Variants in SOX13 observed in about 807,000 individuals in gnomAD.
SOX13 encodes the protein SRY-box transcription factor 13.
SOX13 carries 28 observed loss-of-function variants against 71.8 expected under a neutral mutation model. That is an observed-to-expected ratio of 0.39 (90% CI 0.29 to 0.53). SOX13 has a LOEUF of 0.53. Among genes scored for constraint, SOX13 ranks in the 20% least tolerant of loss-of-function variants. The probability of loss-of-function intolerance (pLI) is 0.70; values close to 1 mark genes in which losing one functional copy is unlikely to be tolerated. For missense variants in SOX13, 627 were observed against 810.3 expected (o/e 0.77, Z 2.75); for synonymous variants, 309 against 317.8 (o/e 0.97, Z 0.29).
chr1:204,090,850 C>T (rs564290707), intron 1 of SOX13, among the ~76,000 whole-genome samples: 2 of 152,190 alleles, frequency 1.3e-5, no homozygotes, highest in South Asian at 4.1e-4. Flanking sequence ...GGCACCTTTG[C>T]ACCAGGTGCT....
At chr1:204,105,175 G>A (rs941486248) in intron 1 of SOX13, among the ~76,000 whole-genome samples, 10 of 152,144 alleles carry the variant, frequency 6.6e-5, no homozygotes, top group African/African-American at 2.2e-4. Flanking sequence ...TGGGGGCCTC[G>A]GGGCCTGGTA....
chr1:204,076,023 C>T (rs1032515742), intron 1 of SOX13, among the ~76,000 whole-genome samples: 1 of 152,192 alleles, frequency 6.6e-6, no homozygotes, highest in Non-Finnish European at 1.5e-5. Flanking sequence ...TCAGATCAAA[C>T]GTATCCTTCT....
chr1:204,122,349 A>G lies in SOX13; in HGVS notation c.974A>G (p.His325Arg). The part of the protein sequence containing the change: ...MSSCVPRPPS[H>R]GGPTRDLQSS... The stretch of plus-strand genomic sequence containing the variant: ...AGCTGTGTGCCCCGCCCCCCCAGCC[A>G]TGGAGGCCCCACGCGGGACCTGCAG... The change falls in exon 9 of 14, where the codon CAT becomes CGT. Residue 325 changes from histidine (H) to arginine (R), a missense_variant. By Grantham distance (29) the His-to-Arg change is conservative. This residue lies in a region of SOX13 where 447 missense variants were observed against 532.2 expected (regional missense o/e 0.84). Transcript: ENST00000367204. The G allele has an allele frequency of 6.4e-7, 1 of 1,559,114 alleles. No homozygotes were observed. Among genetic ancestry groups the G allele is most frequent in the Non-Finnish European group, 8.7e-7 (1 of 1,149,666 alleles).
chr1:204,102,488 T>G (rs1027909719), intron 1 of SOX13, among the ~76,000 whole-genome samples: 18 of 152,232 alleles, frequency 1.2e-4, no homozygotes, highest in African/African-American at 3.6e-4. Context: ...TGGGGCTTCC[T>G]TGGCAGATTT....
At chr1:204,108,849 C>G (rs1348100280) in intron 1 of SOX13, among the ~76,000 whole-genome samples, 1 of 152,238 alleles carries the variant, frequency 6.6e-6, no homozygotes, top group Non-Finnish European at 1.5e-5. Context: ...TTCCAGCCAG[C>G]CTGGTTGTTT....
At chr1:204,101,485 G>A (rs975241752) in intron 1 of SOX13, among the ~76,000 whole-genome samples, 1 of 135,552 alleles carries the variant, frequency 7.4e-6, no homozygotes, top group Admixed American at 8.2e-5. Context: ...GGGCAACATA[G>A]CGAGATTCCC....
chr1:204,089,806 G>A lies in SOX13; in HGVS notation c.-2+16095G>A, dbSNP rs566501713. Among the ~76,000 whole-genome samples the A allele has an allele frequency of 3.3e-5, 5 of 152,324 alleles. 1 individual carries two copies. Among genetic ancestry groups the A allele is most frequent in the Admixed American group, 6.5e-5 (1 of 15,300 alleles). On this transcript the variant is annotated intron_variant, in intron 1 of 13. Coordinates refer to ENST00000367204, the MANE Select transcript of SOX13 (RefSeq NM_005686.3). ...GGGCTCATCACTGGTCCCCATTCCTGGAGGTGCGTCCCTTATCTCTATCCA... is the reference window on the plus strand; with the variant it reads ...GGGCTCATCACTGGTCCCCATTCCTAGAGGTGCGTCCCTTATCTCTATCCA...
intron 9 of SOX13, 138 bp from the exon 10 acceptor site, chr1:204,122,716 G>A: frequency 1.6e-6 from 1 of 631,678 alleles, no homozygotes; most frequent in South Asian, 2.0e-5. Context: ...GCCGCCCTGT[G>A]GAAGAACAGG....
At position 204,124,873 on chromosome 1, in the gene SOX13, C is replaced by T. The variant is rs577240959; in HGVS notation, c.1592+16C>T. ...ACGTGATCCCGTGAGCAGGCCCCCC[C>T]GCAGGCAGCCAGGAGACTGTGTGTA... On this transcript the variant is annotated intron_variant, in intron 13 of 13. Transcript: ENST00000367204. 4.8e-5 allele frequency: 74 copies of T among 1,538,302 alleles called. No homozygotes were observed. In the East Asian group the frequency reaches 8.0e-4, roughly 17 times the overall value.
chr1:204,097,541 A>C (rs1656275474), intron 1 of SOX13, among the ~76,000 whole-genome samples: 1 of 151,964 alleles, frequency 6.6e-6, no homozygotes, highest in South Asian at 2.1e-4. Flanking sequence ...AAAATACAAA[A>C]TTAGCTGGGC....
intron 1 of SOX13, among the ~76,000 whole-genome samples, chr1:204,099,652 G>T (rs986999731): frequency 6.6e-6 from 1 of 151,834 alleles, no homozygotes; most frequent in Non-Finnish European, 1.5e-5. Context: ...GGCTCAAGCA[G>T]TCCTCCCACT....
chr1:204,090,090 G>A (rs180755553), intron 1 of SOX13, among the ~76,000 whole-genome samples: 21 of 152,272 alleles, frequency 1.4e-4, no homozygotes, highest in Non-Finnish European at 3.1e-4. Flanking sequence ...TGAACCCTTC[G>A]GTAGTGGTTT....
chr1:204,083,253 T>C (rs1048032848), intron 1 of SOX13, among the ~76,000 whole-genome samples: 1 of 152,142 alleles, frequency 6.6e-6, no homozygotes, highest in Admixed American at 6.5e-5. Context: ...TGAGTCCTCT[T>C]GGGCCAATTG....
At chr1:204,094,088 A>T (rs1435838727) in intron 1 of SOX13, among the ~76,000 whole-genome samples, 3 of 152,236 alleles carry the variant, frequency 2.0e-5, no homozygotes, top group Non-Finnish European at 4.4e-5. Flanking sequence ...AAAATCCCTT[A>T]CACATGTATG....
Position 204,127,658 on chromosome 1 carries a change from G to C in SOX13, c.*1524G>C, listed in dbSNP as rs1656948523. ...TTTGTTAATAATAAGATAATGATGA[G>C]TAACTTAACCAGCACATTTCTCCTG... On this transcript the variant is annotated 3_prime_UTR_variant, in exon 14 of 14. Coordinates refer to ENST00000367204, the MANE Select transcript of SOX13 (RefSeq NM_005686.3). The C allele has an allele frequency of 6.6e-6, 1 of 152,576 alleles. No individual in the cohort carries two copies. The highest frequency in any genetic ancestry group is 2.4e-5 in the African/African-American group (1 of 41,430). 9.5% of individuals were successfully genotyped at this position (152,576 alleles called of 1,614,324 possible).
At chr1:204,108,698 A>G (rs1656517458) in intron 1 of SOX13, among the ~76,000 whole-genome samples, 2 of 152,124 alleles carry the variant, frequency 1.3e-5, no homozygotes, top group Non-Finnish European at 2.9e-5. Context: ...GGTGTGAGTG[A>G]GGTGGCGCTG....
At position 204,122,344 on chromosome 1, in the gene SOX13, C is replaced by G. The variant is rs755508461; in HGVS notation, c.969C>G (p.Pro323=). The change falls in exon 9 of 14, where the codon CCC becomes CCG. Residue 323 remains proline (P), a synonymous_variant. Transcript: ENST00000367204. ...LKMSSCVPRP[P]SHGGPTRDLQ... is the part of the protein sequence containing the mutation. Reference sequence around the variant, plus strand: ...TGAGCAGCTGTGTGCCCCGCCCCCCCAGCCATGGAGGCCCCACGCGGGACC... The same window carrying G: ...TGAGCAGCTGTGTGCCCCGCCCCCCGAGCCATGGAGGCCCCACGCGGGACC... 5 of 1,565,726 alleles carry G rather than the reference C, an allele frequency of 3.2e-6. No homozygotes were observed. The South Asian group carries it at 4.7e-5, about 15-fold the overall frequency.
Position 204,123,587 on chromosome 1 carries a change from G to T in SOX13, c.1232-74G>T. 1 of 1,515,286 alleles carries T rather than the reference G, an allele frequency of 6.6e-7. No individual in the cohort carries two copies. The highest frequency in any genetic ancestry group is 1.2e-5 in the South Asian group (1 of 83,886). The allele number at this position is 1,515,286 out of a possible 1,614,324, so 93.9% of individuals were successfully genotyped here. On this transcript the variant is annotated intron_variant, in intron 11 of 13. Coordinates refer to ENST00000367204, the MANE Select transcript of SOX13 (RefSeq NM_005686.3). The surrounding 1 kb of genome is among the most constrained non-coding windows in gnomAD (Gnocchi z 5.0). ...GCCTCCTGCTGGTCAAGTAGGGGAC[G>T]TCTCTCTGCTGGCCCTGGGGCACTC...
intron 5 of SOX13, 122 bp downstream of exon 5, chr1:204,116,801 A>C: frequency 6.6e-7 from 1 of 1,505,072 alleles, no homozygotes; most frequent in Non-Finnish European, 8.9e-7. Flanking sequence ...CAGGCTGGGC[A>C]GGGTCTGTGG....
Sources: gnomAD v4.1 joint callset for allele counts (sites outside exome capture counted in the v4.1 genomes callset) on GRCh38, gnomAD v4.1.1 for gene constraint, gnomAD v4.1.1 regional missense constraint, Gnocchi (gnomAD v3.1) non-coding constraint, MANE v1.5 for transcripts, NCBI Gene and HGNC (gene_info 2026-07-23, HGNC 2026-07-21) for gene names.